Variants in TGM4 observed in about 807,000 individuals in gnomAD.
TGM4 encodes the protein transglutaminase 4, also known as protein-glutamine gamma-glutamyltransferase 4.
Under a neutral mutation model 76.3 loss-of-function variants are expected in TGM4, and 61 were observed. The observed-to-expected ratio is 0.80, with a 90% confidence interval of 0.65 to 0.99. The LOEUF (loss-of-function observed/expected upper bound fraction) is 0.99. TGM4 is among the 50% of genes least tolerant of loss of function. The pLI is 0.00. For missense variants in TGM4, 794 were observed against 843.2 expected, an observed-to-expected ratio of 0.94 and a Z score of 0.72; for synonymous variants, 337 against 329.8, an observed-to-expected ratio of 1.02 and a Z score of -0.24.
At chr3:44,880,932 G>A (rs1186145912) in intron 1 of TGM4, among the ~76,000 whole-genome samples, 1 of 152,132 alleles carries the variant, frequency 6.6e-6, no homozygotes, top group Non-Finnish European at 1.5e-5. Flanking sequence ...TTTTCAAAAT[G>A]GTAGTTCGGG....
In TGM4 at chr3:44,887,804, C is replaced by G. The variant is rs1446445361; in HGVS notation, c.300+9C>G. ...ATGAGTCTGGCAAAGAGGTGAGCAC[C>G]CACTGGGCTGGCGGGTGGGCTGGCT... On this transcript the variant is annotated intron_variant, in intron 3 of 13. Coordinates refer to ENST00000296125, the MANE Select transcript of TGM4 (RefSeq NM_003241.4). The G allele has an allele frequency of 6.2e-7, 1 of 1,613,564 alleles. No individual in the cohort carries two copies. The highest frequency in any genetic ancestry group is 8.5e-7 in the Non-Finnish European group (1 of 1,179,528).
In TGM4 at chr3:44,896,809, G is replaced by C. The variant is rs745422285; in HGVS notation, c.650G>C (p.Cys217Ser). 1 of 1,613,914 alleles carries C rather than the reference G, an allele frequency of 6.2e-7. No individual in the cohort carries two copies. The highest frequency in any genetic ancestry group is 8.5e-7 in the Non-Finnish European group (1 of 1,179,922). ...RDPVLVCRAMCAMMSFEKGQG... is the reference protein window; with the variant it reads ...RDPVLVCRAMSAMMSFEKGQG... ...CCCGTGCTGGTGTGCAGGGCCATGT[G>C]TGCTATGGTAGGTATGGAAAGCCTG... The change falls in exon 6 of 14, where the codon TGT becomes TCT. Residue 217 changes from cysteine to serine, a missense_variant. Physicochemically the swap from Cys to Ser is moderately radical, Grantham distance 112 (BLOSUM62 -1). Transcript: ENST00000296125.
Position 44,911,141 on chromosome 3 carries a change from A to G in TGM4, c.1776+14A>G. On this transcript the variant is annotated intron_variant, in intron 12 of 13. Transcript: ENST00000296125. ...TTCTCTATAGAGGTGAGCTTCCTGC[A>G]GGCCATAAAGGGCTCCTTCTGCCTG... is the stretch of plus-strand genomic sequence containing the variant. 1 of 1,612,284 alleles carries G rather than the reference A, an allele frequency of 6.2e-7. No homozygotes were observed. The highest frequency in any genetic ancestry group is 1.3e-5 in the African/African-American group (1 of 74,940).
rs532678265 is a variant in TGM4 at position 44,893,634 on chromosome 3, C to T, written c.488C>T (p.Thr163Met). 42 of 1,613,898 alleles carry T rather than the reference C, an allele frequency of 2.6e-5. 1 individual carries two copies. In the Admixed American group the frequency reaches 3.5e-4, roughly 13 times the overall value. The change falls in exon 5 of 14, where the codon ACG (threonine) becomes ATG (methionine). Residue 163 changes from threonine to methionine, a missense_variant. Transcript: ENST00000296125. The part of the protein sequence containing the change: ...DERKEYILND[T>M]GCHYVGAARS... The stretch of plus-strand genomic sequence containing the variant: ...CGCAAAGAGTACATCCTCAATGACA[C>T]GGGCTGCCATTACGTGGGGGCTGCC...
At position 44,878,756 on chromosome 3, in the gene TGM4, A is replaced by G. The variant is rs183189995; in HGVS notation, c.19+4059A>G. The stretch of plus-strand genomic sequence containing the variant: ...CCTGGCCTCCCAAAATGCTGGGATT[A>G]CAGGCGTGAGCCGCTGCGCCTGGCC... On this transcript the variant is annotated intron_variant, in intron 1 of 13. Coordinates refer to ENST00000296125, the MANE Select transcript of TGM4 (RefSeq NM_003241.4). Among the ~76,000 whole-genome samples the G allele has an allele frequency of 1.4e-3, 211 of 152,230 alleles. 2 individuals carry two copies. Among genetic ancestry groups the G allele is most frequent in the African/African-American group, 4.8e-3 (201 of 41,544 alleles).
chr3:44,913,695 T>A lies in TGM4; in HGVS notation c.2025T>A (p.Asn675Lys), dbSNP rs1488815691. Residue 675 changes from asparagine to lysine, a missense_variant, in exon 14 of 14, where the codon AAT becomes AAA. By Grantham distance (94) the Asn-to-Lys change is moderately conservative. Transcript: ENST00000296125. ...GTTCCAAACAAGTGAAAGAGATTAA[T>A]GCTCAGAAGATTGTTCTCATCACCA... ...KLSSKQVKEI[N>K]AQKIVLITK 1 of 1,614,188 alleles carries A rather than the reference T, an allele frequency of 6.2e-7. No individual in the cohort carries two copies.
chr3:44,887,666 T>A (rs767855021), intron 2 of TGM4, 23 bp from the exon 3 acceptor site: 4 of 1,611,004 alleles, frequency 2.5e-6, no homozygotes, highest in Non-Finnish European at 3.4e-6. Context: ...GCTGGGCCAA[T>A]GTTTTCCTTT....
At chr3:44,909,952 T>C in intron 10 of TGM4, 138 bp from the exon 11 acceptor site, 1 of 885,418 alleles carries the variant, frequency 1.1e-6, no homozygotes, top group Non-Finnish European at 1.7e-6. Context: ...ATCCTCTGTG[T>C]GAATCTATAG....
At chr3:44,887,910 T>A in intron 3 of TGM4, 115 bp downstream of exon 3, 1 of 877,998 alleles carries the variant, frequency 1.1e-6, no homozygotes, top group East Asian at 2.6e-5. Context: ...TTTAAAGCCA[T>A]CCACAGCACA....
intron 2 of TGM4, 147 bp downstream of exon 2, chr3:44,885,645 T>C: frequency 1.2e-6 from 1 of 855,214 alleles, no homozygotes; most frequent in Non-Finnish European, 1.8e-6. Flanking sequence ...GTGGGAATAA[T>C]AGCGGGTGTG....
chr3:44,903,813 A>T lies in TGM4; in HGVS notation c.972-71A>T, dbSNP rs555970359. 52 of 1,386,870 alleles carry T rather than the reference A, an allele frequency of 3.7e-5. 1 individual carries two copies. The Admixed American group carries it at 8.1e-4, about 22-fold the overall frequency. 85.9% of individuals were successfully genotyped at this position (1,386,870 alleles called of 1,614,324 possible). On this transcript the variant is annotated intron_variant, in intron 8 of 13. Transcript: ENST00000296125. The stretch of plus-strand genomic sequence containing the variant: ...CCCGGTGATGAAGATGTCTCTGGCA[A>T]TTTTGGCGTATTTATCTCTAACTAG...
chr3:44,878,103 A>G (rs1276720614), intron 1 of TGM4, among the ~76,000 whole-genome samples: 1 of 152,080 alleles, frequency 6.6e-6, no homozygotes, highest in Non-Finnish European at 1.5e-5. Context: ...GTGAGCTGTG[A>G]TCACACCATT....
At chr3:44,891,471 T>G (rs1699696594) in intron 4 of TGM4, among the ~76,000 whole-genome samples, 1 of 151,516 alleles carries the variant, frequency 6.6e-6, no homozygotes, top group African/African-American at 2.4e-5. Context: ...TTGTTAACAT[T>G]TTGCTCCATT....
At chr3:44,905,328 A>G (rs1321980500) in intron 9 of TGM4, among the ~76,000 whole-genome samples, 3 of 151,912 alleles carry the variant, frequency 2.0e-5, no homozygotes, top group African/African-American at 7.3e-5. Context: ...AACTGCTCAG[A>G]AGGAAACTTC....
rs868301114 is a variant in TGM4 at position 44,910,304 on chromosome 3, G to A, written c.1542G>A (p.Leu514=). The change falls in exon 11 of 14, where the codon TTG becomes TTA. Residue 514 remains leucine (L), a synonymous_variant. Coordinates refer to ENST00000296125, the MANE Select transcript of TGM4 (RefSeq NM_003241.4). ...TCTTGGGCTCCTTTGAACTACAGTT[G>A]TACACTGGCAAGAAGATGGCAAAAC... ...VNILGSFELQ[L]YTGKKMAKLC... 2 of 1,614,176 alleles carry A rather than the reference G, an allele frequency of 1.2e-6. No individual in the cohort carries two copies. Among genetic ancestry groups the A allele is most frequent in the Non-Finnish European group, 1.7e-6 (2 of 1,180,028 alleles).
At chr3:44,890,145 A>G (rs1699669333) in intron 3 of TGM4, among the ~76,000 whole-genome samples, 1 of 152,124 alleles carries the variant, frequency 6.6e-6, no homozygotes, top group African/African-American at 2.4e-5. Flanking sequence ...CCATGATTCA[A>G]TCACCTCCCA....
At chr3:44,886,103 G>A (rs960825739) in intron 2 of TGM4, among the ~76,000 whole-genome samples, 2 of 152,164 alleles carry the variant, frequency 1.3e-5, no homozygotes, top group African/African-American at 4.8e-5. Context: ...CAGCATTTTG[G>A]GAGGCCGAGG....
chr3:44,908,091 G>C (rs1699950012), intron 10 of TGM4, among the ~76,000 whole-genome samples: 1 of 152,170 alleles, frequency 6.6e-6, no homozygotes, highest in Admixed American at 6.5e-5. Flanking sequence ...TTGGACCCCT[G>C]GGTTGATTGT....
rs1296970038 is a variant in TGM4 at position 44,896,823 on chromosome 3, A to G, written c.657+7A>G. 38 of 1,612,772 alleles carry G rather than the reference A, an allele frequency of 2.4e-5. No individual in the cohort carries two copies. Among genetic ancestry groups the G allele is most frequent in the East Asian group, 4.5e-5 (2 of 44,848 alleles). Reference sequence around the variant, plus strand: ...CAGGGCCATGTGTGCTATGGTAGGTATGGAAAGCCTGGGCTGATGCTGTCT... The same window carrying G: ...CAGGGCCATGTGTGCTATGGTAGGTGTGGAAAGCCTGGGCTGATGCTGTCT... On this transcript the variant is annotated splice_region_variant and intron_variant, in intron 6 of 13. Coordinates refer to ENST00000296125, the MANE Select transcript of TGM4 (RefSeq NM_003241.4).
Sources: gnomAD v4.1 joint callset for allele counts (sites outside exome capture counted in the v4.1 genomes callset) on GRCh38, gnomAD v4.1.1 for gene constraint, MANE v1.5 for transcripts, NCBI Gene and HGNC (gene_info 2026-07-23, HGNC 2026-07-21) for gene names.